MYT1L: variants seen among roughly 807,000 people sequenced by gnomAD.
The protein encoded by MYT1L is myelin transcription factor 1 like, also known as myelin transcription factor 1-like protein.
MYT1L carries 12 observed loss-of-function variants against 126.7 expected under a neutral mutation model. That is an observed-to-expected ratio of 0.09 (90% CI 0.06 to 0.15). The LOEUF is 0.15. MYT1L is among the 10% of genes least tolerant of loss of function. The pLI is 1.00. For synonymous variants in MYT1L, 541 were observed against 604.2 expected (o/e 0.90, Z 1.53); for missense variants, 979 against 1,585.2 (o/e 0.62, Z 6.49).
chr2:1,821,327 T>C (rs1479698585), intron 21 of MYT1L, among the ~76,000 whole-genome samples: 1 of 152,142 alleles, frequency 6.6e-6, no homozygotes, highest in African/African-American at 2.4e-5. Context: ...TTTAACAAAA[T>C]CTTTTATCTT....
chr2:1,913,717 G>T lies in MYT1L; in HGVS notation c.1619-1607C>A, dbSNP rs543441704. Among the ~76,000 whole-genome samples the T allele has an allele frequency of 1.0e-3, 152 of 152,176 alleles. 1 individual carries two copies. The highest frequency in any genetic ancestry group is 6.8e-3 in the Middle Eastern group (2 of 294). On this transcript the variant is annotated intron_variant, in intron 11 of 24. Transcript: ENST00000647738. ...TCTTCCCTGGGGATGGCACACGGGG[G>T]TCACTCTGACCTGAGGTCCAGATGG...
chr2:2,104,951 A>G (rs542386329), intron 3 of MYT1L, among the ~76,000 whole-genome samples: 38 of 152,342 alleles, frequency 2.5e-4, no homozygotes, highest in East Asian at 7.7e-4. Context: ...ACTCAGCCCA[A>G]TGAGAAAATA....
chr2:2,217,213 A>G (rs1156604863), intron 2 of MYT1L, among the ~76,000 whole-genome samples: 3 of 152,126 alleles, frequency 2.0e-5, no homozygotes, highest in African/African-American at 4.8e-5. Context: ...ACAAGATAAG[A>G]AAGTCACAGA....
intron 2 of MYT1L, among the ~76,000 whole-genome samples, chr2:2,229,563 T>C (rs1221020767): frequency 6.6e-6 from 1 of 152,100 alleles, no homozygotes; most frequent in Non-Finnish European, 1.5e-5. Context: ...CACCTCAGCC[T>C]CCTGAGTAGC....
intron 1 of MYT1L, among the ~76,000 whole-genome samples, chr2:2,311,825 G>T (rs1261550620): frequency 6.6e-6 from 1 of 152,224 alleles, no homozygotes; most frequent in Non-Finnish European, 1.5e-5. Context: ...CACTTCAGCT[G>T]TCTGGAACAT....
At chr2:1,814,045 A>AAAG in intron 21 of MYT1L, among the ~76,000 whole-genome samples, 3 of 148,478 alleles carry the variant, frequency 2.0e-5, no homozygotes, top group Non-Finnish European at 3.0e-5. Context: ...AAAAAAAAAG[A>AAAG]AAGAAAAATT....
At chr2:2,189,163 G>A (rs2092414245) in intron 2 of MYT1L, among the ~76,000 whole-genome samples, 1 of 152,160 alleles carries the variant, frequency 6.6e-6, no homozygotes, top group South Asian at 2.1e-4. Flanking sequence ...TTCTGATTGC[G>A]TTTGGGGCTT....
intron 3 of MYT1L, among the ~76,000 whole-genome samples, chr2:2,083,110 G>A (rs7582008): frequency 7.2e-5 from 11 of 152,328 alleles, no homozygotes; most frequent in African/African-American, 2.6e-4. Context: ...GTCACTGCTA[G>A]GGATGATGTG....
chr2:2,285,689 C>T (rs1043437175), intron 1 of MYT1L, among the ~76,000 whole-genome samples: 11 of 152,178 alleles, frequency 7.2e-5, no homozygotes, highest in African/African-American at 2.7e-4. Flanking sequence ...ATGGTAAGAG[C>T]AGCACACATG....
chr2:1,939,669 G>A (rs79138064), intron 9 of MYT1L, among the ~76,000 whole-genome samples: 4 of 152,326 alleles, frequency 2.6e-5, no homozygotes, highest in East Asian at 1.9e-4. Flanking sequence ...TACATTAAAC[G>A]TAACTAGGAG....
intron 9 of MYT1L, among the ~76,000 whole-genome samples, chr2:1,936,548 C>A (rs2055912874): frequency 6.6e-6 from 1 of 152,196 alleles, no homozygotes; most frequent in Non-Finnish European, 1.5e-5. Context: ...ACTGTGTCCA[C>A]AGTCTTCCTC....
intron 14 of MYT1L, 94 bp downstream of exon 14, chr2:1,902,986 C>T (rs2148958277): frequency 8.4e-7 from 1 of 1,189,984 alleles, no homozygotes; most frequent in East Asian, 2.3e-5. Context: ...GAGTGACCAC[C>T]ACCGCTCAAC....
At chr2:1,875,853 C>T (rs975773135) in intron 18 of MYT1L, among the ~76,000 whole-genome samples, 4 of 152,204 alleles carry the variant, frequency 2.6e-5, no homozygotes, top group Non-Finnish European at 4.4e-5. Flanking sequence ...CTCTCCCACC[C>T]CAGGGCTCTG....
chr2:1,861,627 G>GCAGCCTGTGTAATCCTGGATCTTCCTA (rs1373952696), intron 18 of MYT1L, among the ~76,000 whole-genome samples: 1 of 151,600 alleles, frequency 6.6e-6, no homozygotes, highest in Non-Finnish European at 1.5e-5. Flanking sequence ...AGATCTGCCT[G>GCAGCCTGTGTAATCCTGGATCTTCCTA]CAGCCTGTGT....
intron 4 of MYT1L, among the ~76,000 whole-genome samples, chr2:2,013,265 A>C (rs1446753438): frequency 3.3e-5 from 5 of 152,102 alleles, no homozygotes; most frequent in African/African-American, 4.8e-5. Context: ...CCCAGCGGTC[A>C]CTTCTTCCCT....
At chr2:1,991,517 T>C (rs1018936538) in intron 5 of MYT1L, among the ~76,000 whole-genome samples, 1 of 152,088 alleles carries the variant, frequency 6.6e-6, no homozygotes, top group African/African-American at 2.4e-5. Flanking sequence ...TGGCCTCGAG[T>C]GATCCTCTGC....
intron 14 of MYT1L, among the ~76,000 whole-genome samples, chr2:1,895,952 C>T (rs1042658383): frequency 3.9e-5 from 6 of 152,132 alleles, no homozygotes; most frequent in Non-Finnish European, 8.8e-5. Context: ...ATGACAAATG[C>T]CTAATATCTG....
chr2:2,217,669 TCAACAA>T lies in MYT1L; in HGVS notation c.-420-44687_-420-44682del, dbSNP rs201935161. ...CTGGGGGACAGAACAAAACTCCATC[TCAACAA>T]CAACAACAACAACAACAACAACAAC... On this transcript the variant is annotated intron_variant, in intron 2 of 24. Coordinates refer to ENST00000647738, the MANE Select transcript of MYT1L (RefSeq NM_001303052.2). 4.0e-3 allele frequency among the ~76,000 whole-genome samples: 373 copies of T among 92,196 alleles called. 12 individuals carry two copies. Among genetic ancestry groups the T allele is most frequent in the South Asian group, 0.023 (67 of 2,914 alleles). The allele number at this position is 92,196 out of a possible 152,430, so 60.5% of individuals were successfully genotyped here.
rs61249695 is a variant in MYT1L, at chr2:2,102,002, C to T, written c.-303-47879G>A. Among the ~76,000 whole-genome samples, 1,309 of 152,314 alleles carry T rather than the reference C, an allele frequency of 8.6e-3. 20 individuals carry two copies. Among genetic ancestry groups the T allele is most frequent in the African/African-American group, 0.029 (1,219 of 41,584 alleles). On this transcript the variant is annotated intron_variant, in intron 3 of 24. Coordinates refer to ENST00000647738, the MANE Select transcript of MYT1L (RefSeq NM_001303052.2). ...CTGATTGCCGAACAAATTAAGCACA[C>T]ATTTTTCATCTTGCTGGCATGCCCT...
Sources: allele counts gnomAD v4.1 joint callset (sites outside exome capture counted in the v4.1 genomes callset), GRCh38; gene constraint gnomAD v4.1.1; transcripts MANE v1.5; gene names NCBI Gene and HGNC (gene_info 2026-07-23, HGNC 2026-07-21).